Variants in STK32B observed in about 807,000 individuals in gnomAD.
STK32B encodes serine/threonine kinase 32B.
Under a neutral mutation model 52.6 loss-of-function variants are expected in STK32B, and 43 were observed. The observed-to-expected ratio is 0.82, with a 90% CI of 0.64 to 1.05. The LOEUF (loss-of-function observed/expected upper bound fraction) is 1.05. Ranked by LOEUF, STK32B falls within the 50% of genes least tolerant of loss-of-function variation. The probability of loss-of-function intolerance (pLI) is 0.00; values close to 1 mark genes in which losing one functional copy is unlikely to be tolerated. For synonymous variants in STK32B, 238 were observed against 204.3 expected, an observed-to-expected ratio of 1.17 and a Z score of -1.41; for missense variants, 621 against 534.6, an observed-to-expected ratio of 1.16 and a Z score of -1.59.
At position 5,051,797 on chromosome 4, in the gene STK32B, C is replaced by T; in HGVS notation, c.-67C>T. ...GCCCCCGGCATCCCGCATCTCTGCGCGCGTCCCACATCCCGCATCCGGCAT... is the reference window on the plus strand; with the variant it reads ...GCCCCCGGCATCCCGCATCTCTGCGTGCGTCCCACATCCCGCATCCGGCAT... On this transcript the variant is annotated 5_prime_UTR_variant, in exon 1 of 12. Transcript: ENST00000282908. 6.5e-7 allele frequency: 1 copy of T among 1,550,374 alleles called. No homozygotes were observed. The highest frequency in any genetic ancestry group is 1.2e-5 in the South Asian group (1 of 83,622).
At chr4:5,459,331 A>G (rs3774820) in intron 8 of STK32B, among the ~76,000 whole-genome samples, 20,148 of 139,788 alleles carry the variant, frequency 0.14, 1,678 homozygotes, top group East Asian at 0.38. Flanking sequence ...TACCAGTCCC[A>G]TTTGGTCTCA....
At chr4:5,067,778 A>G (rs1285123540) in intron 1 of STK32B, among the ~76,000 whole-genome samples, 1 of 152,170 alleles carries the variant, frequency 6.6e-6, no homozygotes, top group South Asian at 2.1e-4. Context: ...TACAGGAAGC[A>G]TGATGGCTTC....
At chr4:5,486,908 A>C (rs1298547232) in intron 11 of STK32B, among the ~76,000 whole-genome samples, 1 of 152,274 alleles carries the variant, frequency 6.6e-6, no homozygotes, top group Admixed American at 6.5e-5. Flanking sequence ...CACTGGCACC[A>C]GTAAGATGTT....
chr4:5,045,187 C>T, the STK32B span, among the ~76,000 whole-genome samples: 1 of 152,266 alleles, frequency 6.6e-6, no homozygotes, highest in Non-Finnish European at 1.5e-5. Context: ...CTTTGAGCCA[C>T]CTGCCAGGCT....
chr4:5,096,318 T>A (rs1164957577), intron 1 of STK32B, among the ~76,000 whole-genome samples: 13 of 152,166 alleles, frequency 8.5e-5, no homozygotes. Context: ...TTAAAAAAAA[T>A]AATAAAATAT....
chr4:5,082,188 T>C (rs1454815670), intron 1 of STK32B, among the ~76,000 whole-genome samples: 1 of 152,162 alleles, frequency 6.6e-6, no homozygotes, highest in Non-Finnish European at 1.5e-5. Context: ...GGCCAGGTAC[T>C]GAGAGCCTCC....
chr4:5,133,532 C>T (rs971417376), intron 1 of STK32B, among the ~76,000 whole-genome samples: 1 of 152,168 alleles, frequency 6.6e-6, no homozygotes, highest in African/African-American at 2.4e-5. Flanking sequence ...CTGCCTGGCA[C>T]CTGGATTCAG....
intron 11 of STK32B, among the ~76,000 whole-genome samples, chr4:5,490,980 A>T (rs1448980371): frequency 6.6e-6 from 1 of 152,126 alleles, no homozygotes; most frequent in African/African-American, 2.4e-5. Context: ...TCATTGTTGG[A>T]CATTTGGGTT....
At chr4:5,462,171 A>C (rs1451355624) in intron 9 of STK32B, among the ~76,000 whole-genome samples, 1 of 150,406 alleles carries the variant, frequency 6.6e-6, no homozygotes, top group Non-Finnish European at 1.5e-5. Flanking sequence ...GTGTGTCTGT[A>C]CGTCTGTATG....
intron 4 of STK32B, among the ~76,000 whole-genome samples, chr4:5,397,820 A>T (rs567733532): frequency 2.6e-5 from 4 of 152,228 alleles, no homozygotes; most frequent in African/African-American, 9.6e-5. Context: ...GCTCGAGTGG[A>T]TGCCATGACA....
At chr4:5,129,347 TC>T (rs1715607247) in intron 1 of STK32B, among the ~76,000 whole-genome samples, 1 of 152,234 alleles carries the variant, frequency 6.6e-6, no homozygotes. Flanking sequence ...GCTGTTTTCT[TC>T]CCTCCACCTT....
At chr4:5,217,326 C>A (rs941283537) in intron 3 of STK32B, among the ~76,000 whole-genome samples, 1 of 152,024 alleles carries the variant, frequency 6.6e-6, no homozygotes, top group African/African-American at 2.4e-5. Flanking sequence ...TTCTTCCTTG[C>A]CAGGAGGTCA....
intron 3 of STK32B, among the ~76,000 whole-genome samples, chr4:5,240,052 TTCTC>T (rs10563867): frequency 0.25 from 36,390 of 147,668 alleles, 7,869 homozygotes; most frequent in African/African-American, 0.58. Flanking sequence ...TTCATTTCTC[TTCTC>T]TCTCTCTCTC....
At chr4:5,143,784 A>C (rs1577102085) in intron 2 of STK32B, among the ~76,000 whole-genome samples, 1 of 74,260 alleles carries the variant, frequency 1.3e-5, no homozygotes, top group South Asian at 4.2e-4. Flanking sequence ...ATCTTAGCAA[A>C]GCTTCCCCTT....
At chr4:5,110,797 A>G (rs1200843494) in intron 1 of STK32B, among the ~76,000 whole-genome samples, 2 of 152,160 alleles carry the variant, frequency 1.3e-5, no homozygotes, top group Non-Finnish European at 2.9e-5. Flanking sequence ...ATGCATAGCA[A>G]AAGAAATAAT....
intron 2 of STK32B, among the ~76,000 whole-genome samples, chr4:5,155,925 T>TATATACAC (rs1560182880): frequency 2.0e-5 from 3 of 152,064 alleles, no homozygotes; most frequent in Non-Finnish European, 4.4e-5. Context: ...ACACAGTGTC[T>TATATACAC]AAGCAATATG....
At chr4:5,329,191 C>T (rs147839614) in intron 3 of STK32B, among the ~76,000 whole-genome samples, 21 of 152,236 alleles carry the variant, frequency 1.4e-4, no homozygotes, top group African/African-American at 4.8e-4. Flanking sequence ...TTCAGCCCTG[C>T]ACCCTCCACC....
At chr4:5,428,593 C>A (rs1713295982) in intron 6 of STK32B, among the ~76,000 whole-genome samples, 1 of 152,148 alleles carries the variant, frequency 6.6e-6, no homozygotes. Flanking sequence ...GTTAATATTA[C>A]ATGCAAACTT....
intron 3 of STK32B, among the ~76,000 whole-genome samples, chr4:5,263,168 T>C (rs1161920084): frequency 1.3e-5 from 2 of 149,914 alleles, no homozygotes; most frequent in East Asian, 2.0e-4. Flanking sequence ...GAATTGGTGC[T>C]CTCTAAGGCA....
Sources: gnomAD v4.1 joint callset for allele counts (sites outside exome capture counted in the v4.1 genomes callset) on GRCh38, gnomAD v4.1.1 for gene constraint, MANE v1.5 for transcripts, NCBI Gene and HGNC (gene_info 2026-07-23, HGNC 2026-07-21) for gene names.